KLRD1: variants seen among roughly 807,000 people sequenced by gnomAD.
KLRD1 encodes natural killer cells antigen CD94.
A neutral mutation model predicts 22.6 loss-of-function variants in KLRD1; 21 were observed. The observed-to-expected ratio is 0.93, with a 90% CI of 0.66 to 1.34. KLRD1 has a LOEUF of 1.34. Among genes scored for constraint, KLRD1 ranks in the 40% most tolerant of loss-of-function variants. The pLI is 0.00. For synonymous variants in KLRD1, 59 were observed against 71.1 expected (o/e 0.83, Z 0.85); for missense variants, 183 against 208.6 (o/e 0.88, Z 0.76).
intron 1 of KLRD1, among the ~76,000 whole-genome samples, chr12:10,254,403 G>A (rs1949373510): frequency 7.0e-6 from 1 of 143,260 alleles, no homozygotes; most frequent in Non-Finnish European, 1.5e-5. Context: ...CTGCACTCCA[G>A]GCTGGGCGAC....
chr12:10,313,316 G>A, intron 4 of KLRD1, 94 bp from the exon 5 acceptor site: 1 of 643,172 alleles, frequency 1.6e-6, no homozygotes. Context: ...TGGACAGGCT[G>A]AATCTTATTC....
In KLRD1 at chr12:10,320,975, T is replaced by C. The variant is rs1453665812; in HGVS notation, c.*6182T>C. On this transcript the variant is annotated 3_prime_UTR_variant, in exon 6 of 6. Coordinates refer to ENST00000336164, the MANE Select transcript of KLRD1 (RefSeq NM_002262.5). ...AGAAAACCTCAAAACACTTTTGAGA[T>C]GACTATGTCAGTAGAAAATTGACAA... The C allele has an allele frequency of 6.6e-6, 1 of 152,178 alleles. No homozygotes were observed. Among genetic ancestry groups the C allele is most frequent in the Non-Finnish European group, 1.5e-5 (1 of 68,026 alleles). The allele number at this position is 152,178 out of a possible 1,614,324, so 9.4% of individuals were successfully genotyped here.
rs557856384 is a variant in KLRD1, at chr12:10,260,845, G to A, written c.-101+34612G>A. Reference sequence around the variant, plus strand: ...TAGTCCCAGCTACTCGGGAGGCTGAGGCAGGAGAATGGCATGAACCCGGGA... The same window carrying A: ...TAGTCCCAGCTACTCGGGAGGCTGAAGCAGGAGAATGGCATGAACCCGGGA... On this transcript the variant is annotated intron_variant, in intron 1 of 5. Coordinates refer to the KLRD1 transcript ENST00000544747. 2.0e-5 allele frequency among the ~76,000 whole-genome samples: 3 copies of A among 152,202 alleles called. No individual in the cohort carries two copies. The East Asian group carries it at 5.8e-4, about 29-fold the overall frequency.
intron 1 of KLRD1, among the ~76,000 whole-genome samples, chr12:10,264,682 C>CTGTGTGTGTG (rs1288838996): frequency 0.18 from 26,611 of 149,650 alleles, 2,739 homozygotes; most frequent in Non-Finnish European, 0.25. Context: ...TAGTTACCTT[C>CTGTGTGTGTG]TGTGTGTGTG....
chr12:10,279,849 A>G (rs967838761), intron 1 of KLRD1, among the ~76,000 whole-genome samples: 3 of 152,090 alleles, frequency 2.0e-5, no homozygotes, highest in Non-Finnish European at 4.4e-5. Flanking sequence ...TAATGTTGTT[A>G]CCTGTGGTCC....
intron 1 of KLRD1, among the ~76,000 whole-genome samples, chr12:10,271,227 A>G (rs1949547354): frequency 6.6e-6 from 1 of 152,092 alleles, no homozygotes; most frequent in South Asian, 2.1e-4. Flanking sequence ...CATCGTGTTC[A>G]TCATGAGGTA....
upstream of KLRD1, among the ~76,000 whole-genome samples, chr12:10,300,277 T>A (rs1382547312): frequency 1.3e-5 from 2 of 152,144 alleles, no homozygotes; most frequent in African/African-American, 4.8e-5. Flanking sequence ...TTAAATAATA[T>A]TAATAAGACT....
chr12:10,292,963 T>C (rs1269532586), intron 1 of KLRD1, among the ~76,000 whole-genome samples: 1 of 151,246 alleles, frequency 6.6e-6, no homozygotes, highest in Non-Finnish European at 1.5e-5. Flanking sequence ...ACCTTGTACA[T>C]TTCTATTATT....
chr12:10,313,654 A>G, intron 5 of KLRD1, 141 bp downstream of exon 5: 1 of 479,138 alleles, frequency 2.1e-6, no homozygotes, highest in Admixed American at 4.0e-5. Context: ...AAAAAGTACA[A>G]CAAAATAACA....
intron 1 of KLRD1, among the ~76,000 whole-genome samples, chr12:10,278,661 A>G (rs1275243905): frequency 6.6e-6 from 1 of 152,132 alleles, no homozygotes; most frequent in East Asian, 1.9e-4. Context: ...ACTTACTGCT[A>G]TTTGCAAAGT....
chr12:10,284,182 C>G (rs7961145), intron 1 of KLRD1, among the ~76,000 whole-genome samples: 148,756 of 152,194 alleles, frequency 0.98, 72,781 homozygotes, highest in East Asian at 1. Context: ...GTAAAACTCT[C>G]TCTCAAAAAA....
intron 4 of KLRD1, among the ~76,000 whole-genome samples, chr12:10,312,286 G>T (rs1950096115): frequency 6.6e-6 from 1 of 151,738 alleles, no homozygotes; most frequent in Non-Finnish European, 1.5e-5. Flanking sequence ...TCCTGACCTC[G>T]GGTGATCTAC....
At chr12:10,273,866 A>C (rs1949569722) in intron 1 of KLRD1, among the ~76,000 whole-genome samples, 1 of 152,228 alleles carries the variant, frequency 6.6e-6, no homozygotes, top group Admixed American at 6.5e-5. Context: ...AGATCAGGCA[A>C]GGACAAGTAG....
intron 1 of KLRD1, among the ~76,000 whole-genome samples, chr12:10,250,326 C>T (rs553298456): frequency 1.6e-4 from 25 of 151,730 alleles, no homozygotes; most frequent in African/African-American, 3.1e-4. Context: ...TACCCAAAGG[C>T]GCCAGAGCCC....
rs1950260233 is a variant in KLRD1 at position 10,317,651 on chromosome 12, T to TGG, written c.*2858_*2859insGG. ...TTTAATAAATCTGCCTTCCTTTACC[T>TGG]ACAGCTGTCTTGGTAAATTCTTTTA... is the stretch of plus-strand genomic sequence containing the variant. On this transcript the variant is annotated 3_prime_UTR_variant, in exon 6 of 6. Coordinates refer to ENST00000336164, the MANE Select transcript of KLRD1 (RefSeq NM_002262.5). 6.6e-6 allele frequency: 1 copy of TGG among 152,392 alleles called. No homozygotes were observed. The highest frequency in any genetic ancestry group is 1.9e-4 in the East Asian group (1 of 5,196). The allele number at this position is 152,392 out of a possible 1,614,324, so 9.4% of individuals were successfully genotyped here.
intron 3 of KLRD1, 78 bp from the exon 4 acceptor site, chr12:10,311,386 A>G: frequency 1.3e-5 from 18 of 1,380,298 alleles, no homozygotes; most frequent in Non-Finnish European, 1.8e-5. Context: ...ACAGCAAATA[A>G]TTTTTGAATA....
intron 1 of KLRD1, among the ~76,000 whole-genome samples, chr12:10,265,555 G>A (rs1400482074): frequency 2.0e-5 from 3 of 152,152 alleles, no homozygotes; most frequent in Non-Finnish European, 2.9e-5. Flanking sequence ...TCAGGAGTTC[G>A]AGACCAGTCT....
Position 10,320,234 on chromosome 12 carries a change from G to T in KLRD1, c.*5441G>T, listed in dbSNP as rs1300512236. On this transcript the variant is annotated 3_prime_UTR_variant, in exon 6 of 6. Coordinates refer to ENST00000336164, the MANE Select transcript of KLRD1 (RefSeq NM_002262.5). ...CATAGCAATAATCAATACATATTTTGGTACCAAGAATGAAGTTACTATTAT... is the reference window on the plus strand; with the variant it reads ...CATAGCAATAATCAATACATATTTTTGTACCAAGAATGAAGTTACTATTAT... 6.8e-6 allele frequency: 1 copy of T among 146,008 alleles called. No individual in the cohort carries two copies. Among genetic ancestry groups the T allele is most frequent in the Non-Finnish European group, 1.5e-5 (1 of 66,730 alleles). 9.0% of individuals were successfully genotyped at this position (146,008 alleles called of 1,614,324 possible).
At chr12:10,274,742 T>G (rs1304625394) in intron 1 of KLRD1, among the ~76,000 whole-genome samples, 1 of 152,188 alleles carries the variant, frequency 6.6e-6, no homozygotes, top group East Asian at 1.9e-4. Context: ...AAAATTATAT[T>G]TAGTTCTTTT....
Sources: gnomAD v4.1 joint callset for allele counts (sites outside exome capture counted in the v4.1 genomes callset) on GRCh38, gnomAD v4.1.1 for gene constraint, MANE v1.5 for transcripts, NCBI Gene and HGNC (gene_info 2026-07-23, HGNC 2026-07-21) for gene names.